ARHGEF11: variants seen among roughly 807,000 people sequenced by gnomAD.
ARHGEF11 encodes the protein Rho guanine nucleotide exchange factor 11.
A neutral mutation model predicts 193.7 loss-of-function variants in ARHGEF11; 55 were observed. That is an observed-to-expected ratio of 0.28 (90% CI 0.23 to 0.36). The LOEUF (loss-of-function observed/expected upper bound fraction) is 0.36, where lower values mean the gene tolerates loss of function less well. Ranked by LOEUF, ARHGEF11 falls within the 10% of genes least tolerant of loss-of-function variation. The probability of loss-of-function intolerance (pLI) is 1.00; values close to 1 mark genes in which losing one functional copy is unlikely to be tolerated. For missense variants in ARHGEF11, 1,723 were observed against 2,005.6 expected (o/e 0.86, Z 2.69); for synonymous variants, 693 against 768.0 (o/e 0.90, Z 1.62).
intron 7 of ARHGEF11, among the ~76,000 whole-genome samples, chr1:156,973,903 C>T (rs1662889682): frequency 1.3e-5 from 2 of 152,180 alleles, no homozygotes; most frequent in Non-Finnish European, 2.9e-5. Flanking sequence ...GGTTTCCTTA[C>T]ATTTAACACA....
At chr1:157,028,850 C>G (rs1278287570) in intron 1 of ARHGEF11, among the ~76,000 whole-genome samples, 3 of 151,962 alleles carry the variant, frequency 2.0e-5, no homozygotes, top group African/African-American at 7.2e-5. Context: ...TAGCTATAAT[C>G]AAAAAGAAAG....
At chr1:156,985,391 C>T (rs1333326071) in intron 2 of ARHGEF11, among the ~76,000 whole-genome samples, 2 of 152,158 alleles carry the variant, frequency 1.3e-5, no homozygotes, top group African/African-American at 4.8e-5. Flanking sequence ...TTGGAGTATA[C>T]AGATCTGTCT....
In ARHGEF11 at chr1:156,934,889, A is replaced by C. The variant is rs1378082220; in HGVS notation, c.*1111T>G. ...AAAAAAAATCTTAACCATGAAAGGAAGAAAATAAAAGAGTATACATTATCT... is the reference window on the plus strand; with the variant it reads ...AAAAAAAATCTTAACCATGAAAGGACGAAAATAAAAGAGTATACATTATCT... On this transcript the variant is annotated 3_prime_UTR_variant, in exon 41 of 41. Coordinates refer to ENST00000368194, the MANE Select transcript of ARHGEF11 (RefSeq NM_198236.3). The C allele has an allele frequency of 6.6e-6, 1 of 150,740 alleles. No homozygotes were observed. Among genetic ancestry groups the C allele is most frequent in the Non-Finnish European group, 1.5e-5 (1 of 67,764 alleles). The allele number at this position is 150,740 out of a possible 1,614,324, so 9.3% of individuals were successfully genotyped here. A position where few individuals can be genotyped will look rare whatever the true frequency, so the allele number is the denominator to read the frequency against.
chr1:156,980,859 C>G (rs1664069546), intron 3 of ARHGEF11, among the ~76,000 whole-genome samples: 1 of 132,550 alleles, frequency 7.5e-6, no homozygotes. Context: ...AATGAGTTTA[C>G]TGTATGAAAC....
chr1:156,977,008 A>G lies in ARHGEF11; in HGVS notation c.557T>C (p.Leu186Pro), dbSNP rs546035936. ...CTGTAATTCTTTTTCTTCCTGCCTC[A>G]GCATATTCCTGAGGATCTGGGTGGC... ...KHATQILRNM[L>P]RQEEKELQRI... The change falls in exon 7 of 41, where the codon CTG (leucine) becomes CCG (proline). Residue 186 changes from leucine (L) to proline (P), a missense_variant. This residue lies in a region of ARHGEF11 where 646 missense variants were observed against 710.7 expected (regional missense o/e 0.91). Transcript: ENST00000368194. 1.2e-6 allele frequency: 2 copies of G among 1,614,102 alleles called. No homozygotes were observed. Among genetic ancestry groups the G allele is most frequent in the Admixed American group, 1.7e-5 (1 of 60,024 alleles).
rs1553204878 is a variant in ARHGEF11 at position 156,959,943 on chromosome 1, C to CCAA, written c.1282+474_1282+475insTTG. 1.2e-3 allele frequency among the ~76,000 whole-genome samples: 112 copies of CCAA among 97,064 alleles called. 2 individuals are homozygous for CCAA. Among genetic ancestry groups the CCAA allele is most frequent in the African/African-American group, 1.8e-3 (47 of 25,458 alleles). 63.7% of individuals were successfully genotyped at this position (97,064 alleles called of 152,430 possible). ...AAAATAACCCCCCCTCCCCCCCCCCCAAAAAAAACAATAAGAAAAACCACT... is the reference window on the plus strand; with the variant it reads ...AAAATAACCCCCCCTCCCCCCCCCCCCAAAAAAAAAACAATAAGAAAAACCACT... On this transcript the variant is annotated intron_variant, in intron 15 of 40. Transcript: ENST00000368194.
chr1:157,014,405 C>CT lies in ARHGEF11; in HGVS notation c.33-28233dup, dbSNP rs1027665458. 3.3e-4 allele frequency among the ~76,000 whole-genome samples: 50 copies of CT among 151,532 alleles called. 2 individuals are homozygous for CT. The highest frequency in any genetic ancestry group is 1.5e-3 in the South Asian group (7 of 4,790). ...GAAATTTATTCAATTCTCTCTCTCT[C>CT]TTTTTTTTTCTCCTCTTTTTGAGAC... On this transcript the variant is annotated intron_variant, in intron 1 of 40. Transcript: ENST00000368194.
At position 156,971,797 on chromosome 1, in the gene ARHGEF11, C is replaced by G; in HGVS notation, c.602G>C (p.Ser201Thr). ...KELQRICEVY[S>T]RNPASLLEEQ... Reference sequence around the variant, plus strand: ...TTCCAGTAGGCTGGCGGGGTTCCGGCTATAGACCTCACAGATACGCTAGGG... The same window carrying G: ...TTCCAGTAGGCTGGCGGGGTTCCGGGTATAGACCTCACAGATACGCTAGGG... The change falls in exon 8 of 41, where the codon AGC (serine) becomes ACC (threonine). Residue 201 changes from serine (S) to threonine (T), a missense_variant. Physicochemically the swap from Ser to Thr is moderately conservative, Grantham distance 58. Coordinates refer to ENST00000368194, the MANE Select transcript of ARHGEF11 (RefSeq NM_198236.3). 1 of 1,613,462 alleles carries G rather than the reference C, an allele frequency of 6.2e-7. No homozygotes were observed. Among genetic ancestry groups the G allele is most frequent in the Non-Finnish European group, 8.5e-7 (1 of 1,179,922 alleles).
intron 1 of ARHGEF11, among the ~76,000 whole-genome samples, chr1:156,992,741 T>C (rs1557917818): frequency 2.6e-5 from 4 of 152,186 alleles, no homozygotes; most frequent in African/African-American, 9.7e-5. Flanking sequence ...GACAATCAGC[T>C]GAAAATGAGT....
chr1:156,939,747 C>T lies in ARHGEF11; in HGVS notation c.3897G>A (p.Gly1299=). Residue 1299 remains glycine, a synonymous_variant, in exon 37 of 41, where the codon GGG becomes GGA. Coordinates refer to ENST00000368194, the MANE Select transcript of ARHGEF11 (RefSeq NM_198236.3). Reference sequence around the variant, plus strand: ...CAAGCTGGGTGTTGTCCCCTTCACCCCCAGGGGGTGCTTGCCCTGGGGAGC... The same window carrying T: ...CAAGCTGGGTGTTGTCCCCTTCACCTCCAGGGGGTGCTTGCCCTGGGGAGC... ...DPGSPGQAPP[G]GEGDNTQLAG... 3.1e-6 allele frequency: 5 copies of T among 1,614,084 alleles called. 1 individual carries two copies. In the South Asian group the frequency reaches 4.4e-5, roughly 14 times the overall value.
intron 1 of ARHGEF11, among the ~76,000 whole-genome samples, chr1:157,025,321 T>A (rs1670515428): frequency 6.6e-6 from 1 of 152,210 alleles, no homozygotes; most frequent in South Asian, 2.1e-4. Context: ...ACTACTTGTC[T>A]CCATTATCTT....
chr1:156,948,974 C>G lies in ARHGEF11; in HGVS notation c.1926-476G>C, dbSNP rs1344803541. 2.0e-6 allele frequency: 2 copies of G among 985,326 alleles called. No individual in the cohort carries two copies. Among genetic ancestry groups the G allele is most frequent in the African/African-American group, 3.5e-5 (2 of 57,240 alleles). 61.0% of individuals were successfully genotyped at this position (985,326 alleles called of 1,614,324 possible). A position where few individuals can be genotyped will look rare whatever the true frequency, so the allele number is the denominator to read the frequency against. ...CTTTAACTCTGCCTGAGGCGAACCT[C>G]TTTTAAGAGGTCTTAAGAGGAAAGT... On this transcript the variant is annotated intron_variant, in intron 22 of 40. Transcript: ENST00000368194. This position sits in a 1 kb window ranked among gnomAD's most constrained non-coding sequence, Gnocchi z 4.2.
chr1:157,010,967 C>T (rs1668470923), intron 1 of ARHGEF11, among the ~76,000 whole-genome samples: 1 of 151,842 alleles, frequency 6.6e-6, no homozygotes, highest in Non-Finnish European at 1.5e-5. Context: ...AAATGAAATC[C>T]CTATTAAAAT....
At chr1:156,937,674 G>T (rs543232304) in intron 38 of ARHGEF11, among the ~76,000 whole-genome samples, 178 bp from the exon 39 acceptor site, 10 of 152,150 alleles carry the variant, frequency 6.6e-5, no homozygotes, top group African/African-American at 2.4e-4. Context: ...CCCTGCTCCC[G>T]AGACCTTCTA....
Position 157,044,481 on chromosome 1 carries a change from C to T in ARHGEF11, c.-151G>A, listed in dbSNP as rs950983520. 4.2e-6 allele frequency: 3 copies of T among 706,916 alleles called. No homozygotes were observed. The highest frequency in any genetic ancestry group is 4.2e-5 in the Admixed American group (2 of 48,058). The allele number at this position is 706,916 out of a possible 1,614,324, so 43.8% of individuals were successfully genotyped here. A position where few individuals can be genotyped will look rare whatever the true frequency, so the allele number is the denominator to read the frequency against. ...CCTCCAGCTCTCAGGACCCTGGTAACTGATGCTCCACTCTACTTCTACCAG... is the reference window on the plus strand; with the variant it reads ...CCTCCAGCTCTCAGGACCCTGGTAATTGATGCTCCACTCTACTTCTACCAG... On this transcript the variant is annotated 5_prime_UTR_variant, in exon 1 of 41. Transcript: ENST00000368194.
rs374395608 is a variant in ARHGEF11, at chr1:156,975,776, G to A, written c.582+1207C>T. On this transcript the variant is annotated intron_variant, in intron 7 of 40. Transcript: ENST00000368194. Reference sequence around the variant, plus strand: ...AGGTAAGGGTCCAAATTAAGTATCTGTATGTAGATATCCAGTTGTCCTAGC... The same window carrying A: ...AGGTAAGGGTCCAAATTAAGTATCTATATGTAGATATCCAGTTGTCCTAGC... Among the ~76,000 whole-genome samples the A allele has an allele frequency of 9.9e-5, 15 of 152,278 alleles. No homozygotes were observed. The East Asian group carries it at 1.9e-3, about 20-fold the overall frequency.
chr1:157,022,036 A>C (rs1024899111), intron 1 of ARHGEF11, among the ~76,000 whole-genome samples: 2 of 152,242 alleles, frequency 1.3e-5, no homozygotes, highest in African/African-American at 4.8e-5. Flanking sequence ...AGAAATAGAA[A>C]TCCTCTACCT....
intron 20 of ARHGEF11, among the ~76,000 whole-genome samples, chr1:156,955,140 G>A (rs1659758920): frequency 6.6e-6 from 1 of 152,154 alleles, no homozygotes; most frequent in Admixed American, 6.5e-5. Context: ...TGATATTGGG[G>A]GGCTTAAGGT....
intron 7 of ARHGEF11, 152 bp downstream of exon 7, chr1:156,976,831 A>G: frequency 1.5e-6 from 1 of 665,732 alleles, no homozygotes; most frequent in Non-Finnish European, 2.6e-6. Context: ...CTGGCCAATG[A>G]CAATTCTTTA....
Sources: allele counts gnomAD v4.1 joint callset (sites outside exome capture counted in the v4.1 genomes callset), GRCh38; gene constraint gnomAD v4.1.1; regional missense constraint gnomAD v4.1.1; non-coding constraint Gnocchi (gnomAD v3.1); transcripts MANE v1.5; gene names NCBI Gene and HGNC (gene_info 2026-07-23, HGNC 2026-07-21).